CARD8: variants seen among roughly 807,000 people sequenced by gnomAD.
CARD8 encodes caspase recruitment domain family member 8, also known as caspase recruitment domain-containing protein 8.
CARD8 carries 38 observed loss-of-function variants against 53.2 expected under a neutral mutation model. The observed-to-expected ratio is 0.71, with a 90% confidence interval of 0.55 to 0.94. The LOEUF is 0.94. Ranked by LOEUF, CARD8 falls within the 40% of genes least tolerant of loss-of-function variation. CARD8 has a pLI of 0.00. For missense variants in CARD8, 561 were observed against 655.5 expected, an observed-to-expected ratio of 0.86 and a Z score of 1.57; for synonymous variants, 245 against 244.9, an observed-to-expected ratio of 1.00 and a Z score of 0.00.
intron 10 of CARD8, among the ~76,000 whole-genome samples, chr19:48,223,218 C>T (rs1045966898): frequency 6.6e-6 from 1 of 151,522 alleles, no homozygotes; most frequent in Non-Finnish European, 1.5e-5. Context: ...GCAGGAGAAT[C>T]GCATGAACCT....
At chr19:48,219,116 C>A in intron 11 of CARD8, 104 bp from the exon 12 acceptor site, 3 of 1,019,122 alleles carry the variant, frequency 2.9e-6, no homozygotes, top group South Asian at 2.9e-5. Flanking sequence ...TGTGCAATGT[C>A]ATGGCTGGTT....
chr19:48,232,335 G>A lies in CARD8; in HGVS notation c.391+118C>T, dbSNP rs2043062328. 9.7e-6 allele frequency: 9 copies of A among 925,008 alleles called. 1 individual carries two copies. The Admixed American group carries it at 1.6e-4, about 17-fold the overall frequency. The allele number at this position is 925,008 out of a possible 1,614,324, so 57.3% of individuals were successfully genotyped here. On this transcript the variant is annotated intron_variant, in intron 7 of 13. Coordinates refer to ENST00000651546, the MANE Select transcript of CARD8 (RefSeq NM_001184900.3). Reference sequence around the variant, plus strand: ...AACTGCACAGTGCACTGTGGCAAAGGTAAGGGAAAGCACTCCTGATCTGCA... The same window carrying A: ...AACTGCACAGTGCACTGTGGCAAAGATAAGGGAAAGCACTCCTGATCTGCA...
chr19:48,255,340 T>C (rs1967005813), intron 1 of CARD8, among the ~76,000 whole-genome samples: 2 of 152,138 alleles, frequency 1.3e-5, no homozygotes, highest in African/African-American at 4.8e-5. Flanking sequence ...TACTCCAGCC[T>C]AGCCACAGAG....
intron 7 of CARD8, chr19:48,232,095 T>C (rs2043010900): frequency 5.4e-6 from 3 of 553,214 alleles, no homozygotes; most frequent in African/African-American, 1.9e-5. Context: ...CTGGAACCAA[T>C]GCACCTACAT....
intron 10 of CARD8, among the ~76,000 whole-genome samples, chr19:48,229,221 A>C (rs2042377569): frequency 6.6e-6 from 1 of 152,202 alleles, no homozygotes; most frequent in South Asian, 2.1e-4. Context: ...GACGGGCCAG[A>C]AACAGGCTCA....
chr19:48,247,286 TG>T (rs2046280040), intron 3 of CARD8, among the ~76,000 whole-genome samples: 1 of 152,180 alleles, frequency 6.6e-6, no homozygotes, highest in Non-Finnish European at 1.5e-5. Flanking sequence ...ATGGTGCCAC[TG>T]CACTCCAGCC....
In CARD8 at chr19:48,222,691, C is replaced by CAA. The variant is rs35257645; in HGVS notation, c.1036-838_1036-837dup. The stretch of plus-strand genomic sequence containing the variant: ...GCGACAGAGCGAGACTCTGTCTCAC[C>CAA]AAAAAAAAAAAAAATCTATCTGAGC... On this transcript the variant is annotated intron_variant, in intron 10 of 13. Transcript: ENST00000651546. 3.9e-3 allele frequency among the ~76,000 whole-genome samples: 446 copies of CAA among 115,164 alleles called. 2 individuals are homozygous for CAA. The highest frequency in any genetic ancestry group is 0.011 in the African/African-American group (370 of 32,184). 75.6% of individuals were successfully genotyped at this position (115,164 alleles called of 152,430 possible). A position where few individuals can be genotyped will look rare whatever the true frequency, so the allele number is the denominator to read the frequency against.
At chr19:48,254,305 CA>C (rs2047309860) in intron 1 of CARD8, among the ~76,000 whole-genome samples, 1 of 152,202 alleles carries the variant, frequency 6.6e-6, no homozygotes, top group East Asian at 1.9e-4. Context: ...TCAATATGTT[CA>C]ATCTTAGGAT....
chr19:48,234,518 A>C lies in CARD8; in HGVS notation c.235T>G (p.Ser79Ala). 1 of 1,613,820 alleles carries C rather than the reference A, an allele frequency of 6.2e-7. No homozygotes were observed. The highest frequency in any genetic ancestry group is 8.5e-7 in the Non-Finnish European group (1 of 1,179,878). Residue 79 changes from serine to alanine, a missense_variant, in exon 6 of 14, where the codon TCT (serine) becomes GCT (alanine). By Grantham distance (99) the Ser-to-Ala change is moderately conservative (BLOSUM62 1). Transcript: ENST00000651546. ...DTVYRELPCVSETLCDISHFF... is the reference protein window; with the variant it reads ...DTVYRELPCVAETLCDISHFF... ...TGTGAGATGTCACAAAGGGTCTCAG[A>C]AACACAGGGTAGCTCCCTGTATACC...
chr19:48,247,124 G>A (rs2046251403), intron 3 of CARD8, among the ~76,000 whole-genome samples: 1 of 152,170 alleles, frequency 6.6e-6, no homozygotes, highest in Non-Finnish European at 1.5e-5. Flanking sequence ...AGGAGTTCGA[G>A]ACCAGCCTGG....
chr19:48,219,775 G>A (rs1381300685), intron 11 of CARD8, among the ~76,000 whole-genome samples: 1 of 152,094 alleles, frequency 6.6e-6, no homozygotes, highest in Non-Finnish European at 1.5e-5. Context: ...CTCAAGACCA[G>A]CCTGGCCAAT....
At chr19:48,220,079 C>G (rs1443981713) in intron 11 of CARD8, among the ~76,000 whole-genome samples, 1 of 152,156 alleles carries the variant, frequency 6.6e-6, no homozygotes, top group Non-Finnish European at 1.5e-5. Flanking sequence ...ATTTCTATAT[C>G]AGCAATGTTT....
intron 1 of CARD8, chr19:48,255,553 C>T (rs1189331883): frequency 6.6e-6 from 1 of 152,088 alleles, no homozygotes; most frequent in Non-Finnish European, 1.5e-5. Flanking sequence ...TTAAGACTGT[C>T]CAAGCCAAGT....
chr19:48,217,398 C>CTATG (rs2039556252), intron 12 of CARD8, among the ~76,000 whole-genome samples: 1 of 152,216 alleles, frequency 6.6e-6, no homozygotes, highest in African/African-American at 2.4e-5. Context: ...ATTTGTTCAA[C>CTATG]TATGTCCTTC....
rs762033747 is a variant in CARD8, at chr19:48,231,787, G to A, written c.415C>T (p.Gln139Ter). The change falls in exon 8 of 14, where the codon CAA (glutamine) becomes TAA (stop). Residue 139 changes from glutamine (Q) to a stop codon, truncating the protein, a stop_gained. Coordinates refer to ENST00000651546, the MANE Select transcript of CARD8 (RefSeq NM_001184900.3). LOFTEE classifies it high-confidence loss of function. ...DSGDICSEEN[Q>*]IVSSYASKVC... Reference sequence around the variant, plus strand: ...TTAGAAGCATAAGAGGAAACTATTTGATTCTCTTCTGAGCAAATGTCTCCT... The same window carrying A: ...TTAGAAGCATAAGAGGAAACTATTTAATTCTCTTCTGAGCAAATGTCTCCT... 44 of 1,613,736 alleles carry A rather than the reference G, an allele frequency of 2.7e-5. No homozygotes were observed. Among genetic ancestry groups the A allele is most frequent in the Non-Finnish European group, 3.6e-5 (42 of 1,179,890 alleles).
In CARD8 at chr19:48,211,407, G is replaced by A. The variant is rs537055172; in HGVS notation, c.*303C>T. The A allele has an allele frequency of 8.7e-5, 23 of 263,946 alleles. No individual in the cohort carries two copies. The highest frequency in any genetic ancestry group is 3.8e-4 in the African/African-American group (17 of 44,838). The allele number at this position is 263,946 out of a possible 1,614,324, so 16.4% of individuals were successfully genotyped here. ...CCATCCTTCATAAACACACCTATCC[G>A]GATGTCCTTTATCCTGGGTCTTCAA... On this transcript the variant is annotated 3_prime_UTR_variant, in exon 14 of 14. Transcript: ENST00000651546.
chr19:48,230,678 C>A lies in CARD8; in HGVS notation c.795G>T (p.Trp265Cys). Reference protein sequence around the residue: ...SLQAGEVDVSWFLVAHFKNEG... With the variant: ...SLQAGEVDVSCFLVAHFKNEG... ...CATTCTTAAAATGGGCAACGAGAAA[C>A]CAGGAGACGTCCACCTCACCTGCTG... Residue 265 changes from tryptophan (W) to cysteine (C), a missense_variant, in exon 10 of 14, where the codon TGG becomes TGT. Transcript: ENST00000651546. 1 of 1,614,002 alleles carries A rather than the reference C, an allele frequency of 6.2e-7. No individual in the cohort carries two copies. Among genetic ancestry groups the A allele is most frequent in the South Asian group, 1.1e-5 (1 of 91,086 alleles).
chr19:48,242,610 AGAC>A (rs2045389070), intron 3 of CARD8: 1 of 152,196 alleles, frequency 6.6e-6, no homozygotes, highest in African/African-American at 2.4e-5. Context: ...TCCATTCAGC[AGAC>A]GATAGACATT....
intron 12 of CARD8, among the ~76,000 whole-genome samples, chr19:48,216,963 ACTAGGTGGTCCCAT>A (rs538009383): frequency 8.4e-4 from 128 of 152,260 alleles, no homozygotes; most frequent in African/African-American, 3.0e-3. Context: ...TTTTCCTGCA[ACTAGGTGGTCCCAT>A]CTCGGGGTGA....
Sources: allele counts gnomAD v4.1 joint callset (sites outside exome capture counted in the v4.1 genomes callset), GRCh38; gene constraint gnomAD v4.1.1; transcripts MANE v1.5; gene names NCBI Gene and HGNC (gene_info 2026-07-23, HGNC 2026-07-21).